The following MLLT10 variants were observed in gnomAD, a reference collection of about 807,000 sequenced individuals.
MLLT10 encodes the protein MLLT10 histone lysine methyltransferase DOT1L cofactor, also known as protein AF-10.
A neutral mutation model predicts 129.1 loss-of-function variants in MLLT10; 30 were observed. The observed-to-expected ratio is 0.23, with a 90% CI of 0.17 to 0.32. MLLT10 has a LOEUF of 0.32. Ranked by LOEUF, MLLT10 falls within the 10% of genes least tolerant of loss-of-function variation. MLLT10 has a pLI of 1.00. For synonymous variants in MLLT10, 490 were observed against 446.4 expected, an observed-to-expected ratio of 1.10 and a Z score of -1.23; for missense variants, 1,119 against 1,268.3, an observed-to-expected ratio of 0.88 and a Z score of 1.79.
At chr10:21,607,603 G>A (rs1416049381) in intron 5 of MLLT10, among the ~76,000 whole-genome samples, 2 of 152,154 alleles carry the variant, frequency 1.3e-5, no homozygotes, top group African/African-American at 4.8e-5. Context: ...TTACAGGCGT[G>A]AGCCACCCCT....
intron 21 of MLLT10, among the ~76,000 whole-genome samples, chr10:21,735,666 C>G (rs565380736): frequency 6.6e-6 from 1 of 152,068 alleles, no homozygotes; most frequent in Non-Finnish European, 1.5e-5. Flanking sequence ...GAGCACAGAC[C>G]GATGTGAGAG....
At chr10:21,711,188 C>T (rs572006510) in intron 13 of MLLT10, among the ~76,000 whole-genome samples, 4 of 151,728 alleles carry the variant, frequency 2.6e-5, no homozygotes, top group African/African-American at 7.3e-5. Context: ...TTTGGGAGGC[C>T]GAGACGGGCA....
chr10:21,655,422 A>G (rs968640252), intron 9 of MLLT10, among the ~76,000 whole-genome samples: 2 of 152,220 alleles, frequency 1.3e-5, no homozygotes, highest in Non-Finnish European at 2.9e-5. Context: ...CAATTTGTAA[A>G]CAAGCGGATG....
chr10:21,534,179 C>T (rs1312493714), upstream of MLLT10: 6 of 388,064 alleles, frequency 1.5e-5, no homozygotes, highest in East Asian at 3.6e-5. Context: ...GCAGCGCGCA[C>T]GCAGGGCTAG....
intron 13 of MLLT10, among the ~76,000 whole-genome samples, chr10:21,686,261 A>C (rs1288775284): frequency 6.6e-6 from 1 of 152,174 alleles, no homozygotes; most frequent in Admixed American, 6.5e-5. Flanking sequence ...AATTCTCCAT[A>C]TAGTATTCTT....
intron 14 of MLLT10, among the ~76,000 whole-genome samples, chr10:21,717,506 C>T (rs953704615): frequency 1.5e-4 from 13 of 87,326 alleles, no homozygotes; most frequent in South Asian, 1.1e-3. Context: ...CCTCCTCCTC[C>T]TCCTCCTCCA....
At chr10:21,647,060 C>G (rs1421093067) in intron 8 of MLLT10, among the ~76,000 whole-genome samples, 1 of 152,040 alleles carries the variant, frequency 6.6e-6, no homozygotes, top group Non-Finnish European at 1.5e-5. Context: ...GTTTCACCGT[C>G]TTAGCCAGGA....
chr10:21,605,726 C>CT (rs2043995402), intron 5 of MLLT10, among the ~76,000 whole-genome samples: 1 of 152,194 alleles, frequency 6.6e-6, no homozygotes, highest in Non-Finnish European at 1.5e-5. Flanking sequence ...GTTTGGCTCA[C>CT]TGGCCTGGCC....
intron 8 of MLLT10, among the ~76,000 whole-genome samples, chr10:21,647,828 A>G (rs1324842024): frequency 6.6e-6 from 1 of 151,280 alleles, no homozygotes; most frequent in Non-Finnish European, 1.5e-5. Flanking sequence ...TTTGTTTTTT[A>G]ATGATTTGTT....
In MLLT10 at chr10:21,603,200, C is replaced by CCA. The variant is rs556404590; in HGVS notation, c.405+7762_405+7763dup. Among the ~76,000 whole-genome samples the CCA allele has an allele frequency of 3.3e-5, 5 of 151,282 alleles. No individual in the cohort carries two copies. The East Asian group carries it at 7.8e-4, about 24-fold the overall frequency. On this transcript the variant is annotated intron_variant, in intron 5 of 22. Transcript: ENST00000307729. ...CCCGAGTAGCTGGGATTATAGGTGT[C>CCA]CACCACCGTGCTCGGCTAATTTTTT...
At chr10:21,544,552 AC>A (rs1227642686) in intron 3 of MLLT10, among the ~76,000 whole-genome samples, 2 of 152,200 alleles carry the variant, frequency 1.3e-5, no homozygotes, top group Non-Finnish European at 2.9e-5. Flanking sequence ...AAATTTAGGT[AC>A]TATATAGAAT....
In MLLT10 at chr10:21,726,310, T is replaced by A; in HGVS notation, c.1945T>A (p.Ser649Thr). Reference sequence around the variant, plus strand: ...TCATATGTATGGCAATAGATCAAATTCATCAATGGCAGCTCTTATAGCTCA... The same window carrying A: ...TCATATGTATGGCAATAGATCAAATACATCAATGGCAGCTCTTATAGCTCA... Reference protein sequence around the residue: ...PSHMYGNRSNSSMAALIAQSE... With the variant: ...PSHMYGNRSNTSMAALIAQSE... The change falls in exon 15 of 23, where the codon TCA (serine) becomes ACA (threonine). Residue 649 changes from serine to threonine, a missense_variant. This residue lies in a region of MLLT10 where 1,004 missense variants were observed against 1,008.7 expected (regional missense o/e 1.00). Coordinates refer to ENST00000307729, the MANE Select transcript of MLLT10 (RefSeq NM_001195626.3). 6.2e-7 allele frequency: 1 copy of A among 1,613,380 alleles called. No individual in the cohort carries two copies. Among genetic ancestry groups the A allele is most frequent in the South Asian group, 1.1e-5 (1 of 91,014 alleles).
At chr10:21,734,804 T>C (rs2058229488) in intron 20 of MLLT10, among the ~76,000 whole-genome samples, 1 of 152,230 alleles carries the variant, frequency 6.6e-6, no homozygotes, top group South Asian at 2.1e-4. Context: ...GTTTACTTAG[T>C]GTGAGTTAAA....
intron 5 of MLLT10, among the ~76,000 whole-genome samples, chr10:21,599,235 G>A (rs779997207): frequency 2.0e-5 from 3 of 150,516 alleles, no homozygotes; most frequent in Non-Finnish European, 4.4e-5. Context: ...CCAGCTACTC[G>A]GGAGGCTGAG....
At chr10:21,596,486 G>A (rs955561496) in intron 5 of MLLT10, among the ~76,000 whole-genome samples, 1 of 152,128 alleles carries the variant, frequency 6.6e-6, no homozygotes, top group Non-Finnish European at 1.5e-5. Context: ...GTAAAAGTGT[G>A]TGAACATTTT....
At chr10:21,663,192 T>C (rs956916457) in intron 9 of MLLT10, among the ~76,000 whole-genome samples, 1 of 152,168 alleles carries the variant, frequency 6.6e-6, no homozygotes, top group Non-Finnish European at 1.5e-5. Flanking sequence ...CACAAAAGTG[T>C]GAGGGTCCCC....
chr10:21,614,225 C>CAAA (rs34546142), intron 6 of MLLT10, among the ~76,000 whole-genome samples: 1 of 81,034 alleles, frequency 1.2e-5, no homozygotes, highest in African/African-American at 4.4e-5. Flanking sequence ...TTTTTTTTTT[C>CAAA]AAAAAAAAAA....
At chr10:21,537,180 A>G (rs564302972) in intron 2 of MLLT10, among the ~76,000 whole-genome samples, 3 of 152,092 alleles carry the variant, frequency 2.0e-5, no homozygotes, top group East Asian at 1.9e-4. Flanking sequence ...TGGTCCTACA[A>G]ATGTTTAACT....
intron 5 of MLLT10, among the ~76,000 whole-genome samples, chr10:21,603,428 C>A (rs2043753721): frequency 6.6e-6 from 1 of 152,038 alleles, no homozygotes; most frequent in Non-Finnish European, 1.5e-5. Context: ...CAATTTTATT[C>A]AAATGTTTCC....
Sources: allele counts gnomAD v4.1 joint callset (sites outside exome capture counted in the v4.1 genomes callset), GRCh38; gene constraint gnomAD v4.1.1; regional missense constraint gnomAD v4.1.1; transcripts MANE v1.5; gene names NCBI Gene and HGNC (gene_info 2026-07-23, HGNC 2026-07-21).